The following PLCE1 variants were observed in gnomAD, a reference collection of about 807,000 sequenced individuals.
PLCE1 encodes the protein phospholipase C epsilon 1.
A neutral mutation model predicts 242.8 loss-of-function variants in PLCE1; 119 were observed. The ratio of observed to expected loss-of-function variants is 0.49; its 90% CI spans 0.42 to 0.57. PLCE1 has a LOEUF of 0.57. Among genes scored for constraint, PLCE1 ranks in the 20% least tolerant of loss-of-function variants. PLCE1 has a pLI of 0.00. For missense variants in PLCE1, 2,441 were observed against 2,788.8 expected, an observed-to-expected ratio of 0.88 and a Z score of 2.81; for synonymous variants, 945 against 1,017.4, an observed-to-expected ratio of 0.93 and a Z score of 1.35.
chr10:94,280,267 G>A (rs2052154621), intron 20 of PLCE1: 2 of 337,068 alleles, frequency 5.9e-6, no homozygotes, highest in Admixed American at 8.7e-5. Flanking sequence ...CCTTTCTCCT[G>A]CACCACCGGC....
intron 4 of PLCE1, among the ~76,000 whole-genome samples, chr10:94,205,701 C>T (rs1332340326): frequency 6.6e-6 from 1 of 152,234 alleles, no homozygotes; most frequent in African/African-American, 2.4e-5. Context: ...CCCCAAAATG[C>T]ATCTGCAGAT....
At chr10:94,318,329 T>C (rs1321750764) in intron 29 of PLCE1, among the ~76,000 whole-genome samples, 1 of 152,220 alleles carries the variant, frequency 6.6e-6, no homozygotes, top group East Asian at 1.9e-4. Flanking sequence ...TGTTCCTAAA[T>C]TGTCTTGCCT....
intron 5 of PLCE1, among the ~76,000 whole-genome samples, chr10:94,233,758 G>A (rs562945374): frequency 5.3e-5 from 8 of 152,158 alleles, no homozygotes; most frequent in African/African-American, 1.9e-4. Context: ...GACCAGCTTG[G>A]CCAACATGGC....
chr10:94,245,869 C>A, intron 7 of PLCE1, 77 bp from the exon 8 acceptor site: 1 of 1,093,210 alleles, frequency 9.1e-7, no homozygotes, highest in Non-Finnish European at 1.4e-6. Context: ...AAAATAAAGC[C>A]CAGTGTCAGT....
intron 8 of PLCE1, among the ~76,000 whole-genome samples, chr10:94,248,417 A>G (rs1275895972): frequency 3.9e-5 from 6 of 152,170 alleles, no homozygotes; most frequent in Admixed American, 2.6e-4. Flanking sequence ...CCTGGCCAAC[A>G]TGGCAAAATC....
intron 23 of PLCE1, among the ~76,000 whole-genome samples, chr10:94,295,603 A>G (rs2052785935): frequency 6.6e-6 from 1 of 152,296 alleles, no homozygotes; most frequent in South Asian, 2.1e-4. Flanking sequence ...ATGAATCATG[A>G]ATGCTCTTAA....
intron 28 of PLCE1, among the ~76,000 whole-genome samples, 191 bp from the exon 29 acceptor site, chr10:94,316,356 G>A (rs764148590): frequency 3.3e-5 from 5 of 152,230 alleles, no homozygotes; most frequent in Admixed American, 1.3e-4. Flanking sequence ...AAGTTGTGCC[G>A]TTGCCCGGAG....
At chr10:93,999,066 T>C (rs1433531239) in intron 1 of PLCE1, among the ~76,000 whole-genome samples, 2 of 152,154 alleles carry the variant, frequency 1.3e-5, no homozygotes, top group East Asian at 1.9e-4. Context: ...GGGTGGCACA[T>C]TGGTATTATT....
At position 94,292,366 on chromosome 10, in the gene PLCE1, G is replaced by C. The variant is rs555546434; in HGVS notation, c.5036-1142G>C. 1.2e-4 allele frequency among the ~76,000 whole-genome samples: 19 copies of C among 152,246 alleles called. No homozygotes were observed. In the South Asian group the frequency reaches 3.9e-3, roughly 32 times the overall value. On this transcript the variant is annotated intron_variant, in intron 22 of 32. Transcript: ENST00000371380. ...ATGATACTCAAAGGAAATGCTCATG[G>C]GAGCATTTCGGATTTTGGATTCTCA...
intron 4 of PLCE1, among the ~76,000 whole-genome samples, chr10:94,184,511 G>A (rs753866924): frequency 1.1e-4 from 16 of 151,972 alleles, no homozygotes; most frequent in African/African-American, 2.7e-4. Context: ...TGTATTTTTC[G>A]TAGAGACAGG....
At chr10:94,303,723 T>G (rs2053113448) in intron 24 of PLCE1, among the ~76,000 whole-genome samples, 1 of 152,164 alleles carries the variant, frequency 6.6e-6, no homozygotes, top group East Asian at 1.9e-4. Flanking sequence ...TTTCTAAAAT[T>G]TAGTATAAAA....
intron 29 of PLCE1, among the ~76,000 whole-genome samples, chr10:94,317,698 CTGAT>C (rs1274717899): frequency 5.3e-5 from 8 of 152,184 alleles, no homozygotes; most frequent in African/African-American, 1.9e-4. Context: ...TGACTCCAAA[CTGAT>C]TGGCTCCTGT....
chr10:94,324,746 GT>G, intron 31 of PLCE1, 145 bp from the exon 32 acceptor site: 1 of 974,738 alleles, frequency 1.0e-6, no homozygotes, highest in African/African-American at 1.6e-5. Context: ...CGAGCTTGCG[GT>G]TAAGCAGTCC....
rs71480902 is a variant in PLCE1 at position 94,329,611 on chromosome 10, C to G, written c.*1668C>G. The G allele has an allele frequency of 6.6e-6, 1 of 151,972 alleles. No individual in the cohort carries two copies. Among genetic ancestry groups the G allele is most frequent in the Non-Finnish European group, 1.5e-5 (1 of 68,076 alleles). The allele number at this position is 151,972 out of a possible 1,614,324, so 9.4% of individuals were successfully genotyped here. On this transcript the variant is annotated 3_prime_UTR_variant, in exon 33 of 33. Transcript: ENST00000371380. ...TGGCCAACATGGTGAAACCCAATCT[C>G]TACTAAAAGTACAAAAATTAGCTGA... is the stretch of plus-strand genomic sequence containing the variant.
intron 32 of PLCE1, among the ~76,000 whole-genome samples, chr10:94,327,724 ATCT>A (rs906922778): frequency 6.6e-5 from 10 of 152,176 alleles, no homozygotes; most frequent in African/African-American, 1.2e-4. Flanking sequence ...ATTTGATGTG[ATCT>A]TTTTTAAAAA....
chr10:94,319,824 A>C (rs2053716359), intron 29 of PLCE1, among the ~76,000 whole-genome samples: 1 of 150,822 alleles, frequency 6.6e-6, no homozygotes, highest in African/African-American at 2.4e-5. Context: ...TGTGGCTAGA[A>C]ATACCTTAAA....
chr10:94,070,374 T>C (rs950310650), intron 2 of PLCE1, among the ~76,000 whole-genome samples: 12 of 152,260 alleles, frequency 7.9e-5, no homozygotes, highest in Non-Finnish European at 1.3e-4. Flanking sequence ...GTTAAGAACA[T>C]TAGTGTAAGG....
chr10:94,022,442 T>C (rs1006251443), intron 1 of PLCE1, among the ~76,000 whole-genome samples: 1 of 152,006 alleles, frequency 6.6e-6, no homozygotes, highest in African/African-American at 2.4e-5. Flanking sequence ...TGTCTATGTG[T>C]GTATATGCAT....
At chr10:94,247,541 T>C (rs1265886240) in intron 8 of PLCE1, among the ~76,000 whole-genome samples, 1 of 152,200 alleles carries the variant, frequency 6.6e-6, no homozygotes. Flanking sequence ...TTTCCTAACA[T>C]GCTATGTGAC....
Sources: gnomAD v4.1 joint callset for allele counts (sites outside exome capture counted in the v4.1 genomes callset) on GRCh38, gnomAD v4.1.1 for gene constraint, MANE v1.5 for transcripts, NCBI Gene and HGNC (gene_info 2026-07-23, HGNC 2026-07-21) for gene names.